The following NKTR variants were observed in gnomAD, a reference collection of about 807,000 sequenced individuals.
NKTR encodes the protein NK-tumor recognition protein.
A neutral mutation model predicts 156.3 loss-of-function variants in NKTR; 67 were observed. That is an observed-to-expected ratio of 0.43 (90% CI 0.35 to 0.53). The LOEUF is 0.53. Ranked by LOEUF, NKTR falls within the 20% of genes least tolerant of loss-of-function variation. NKTR has a pLI of 0.01. For synonymous variants in NKTR, 640 were observed against 596.6 expected (o/e 1.07, Z -1.06); for missense variants, 1,604 against 1,730.9 (o/e 0.93, Z 1.30).
chr3:42,603,054 A>G (rs1705727799), intron 2 of NKTR: 1 of 152,758 alleles, frequency 6.5e-6, no homozygotes, highest in African/African-American at 2.4e-5. Flanking sequence ...AAGAAAAGAA[A>G]AATAGTAGAT....
chr3:42,602,583 T>G (rs1013070414), intron 2 of NKTR: 9 of 151,798 alleles, frequency 5.9e-5, no homozygotes, highest in Non-Finnish European at 1.3e-4. Flanking sequence ...TCCTGGAAAT[T>G]TGGTTGCCTT....
At chr3:42,643,283 A>G (rs1282571947) in intron 14 of NKTR, 56 bp from the exon 15 acceptor site, 25 of 1,384,718 alleles carry the variant, frequency 1.8e-5, no homozygotes, top group Non-Finnish European at 2.5e-5. Flanking sequence ...GATATTTGGT[A>G]TAGCCTGTCC....
intron 15 of NKTR, 169 bp from the exon 16 acceptor site, chr3:42,643,733 T>C: frequency 2.9e-6 from 2 of 687,294 alleles, no homozygotes; most frequent in South Asian, 3.2e-5. Context: ...GTAAGTCTCA[T>C]TTGGGGCAAT....
chr3:42,622,104 C>T (rs1357092038), intron 6 of NKTR, among the ~76,000 whole-genome samples: 2 of 151,950 alleles, frequency 1.3e-5, no homozygotes, highest in South Asian at 2.1e-4. Flanking sequence ...GTCATTTCCA[C>T]CAAAATTTAT....
rs775652772 is a variant in NKTR at position 42,631,196 on chromosome 3, A to C, written c.430A>C (p.Ile144Leu). The change falls in exon 8 of 17, where the codon ATT becomes CTT. Residue 144 changes from isoleucine to leucine, a missense_variant. This residue lies in a region of NKTR where 61 missense variants were observed against 113.3 expected (regional missense o/e 0.54). Coordinates refer to ENST00000232978, the MANE Select transcript of NKTR (RefSeq NM_005385.4). ...DGVHVVFGLV[I>L]SGFEVIEQIE... ...GGTGCATGTAGTCTTTGGACTGGTTATTTCTGGTTTTGAAGTAATCGAACA... is the reference window on the plus strand; with the variant it reads ...GGTGCATGTAGTCTTTGGACTGGTTCTTTCTGGTTTTGAAGTAATCGAACA... The C allele has an allele frequency of 6.2e-7, 1 of 1,613,954 alleles. No individual in the cohort carries two copies. Among genetic ancestry groups the C allele is most frequent in the Non-Finnish European group, 8.5e-7 (1 of 1,179,928 alleles).
chr3:42,619,087 G>A lies in NKTR; in HGVS notation c.201G>A (p.Val67=). 1.2e-6 allele frequency: 2 copies of A among 1,609,698 alleles called. No homozygotes were observed. Among genetic ancestry groups the A allele is most frequent in the Non-Finnish European group, 1.7e-6 (2 of 1,178,236 alleles). ...ATAAAGGTTCTACGTTCCATCGTGT[G>A]GTTAAAAACTTTATGATTCAGGGTG... ...LCYKGSTFHR[V]VKNFMIQGGD... The change falls in exon 4 of 17, where the codon GTG becomes GTA. Residue 67 remains valine (V), a synonymous_variant. Transcript: ENST00000232978.
intron 2 of NKTR, among the ~76,000 whole-genome samples, chr3:42,611,839 AC>A (rs1706852705): frequency 6.6e-6 from 1 of 151,952 alleles, no homozygotes; most frequent in Non-Finnish European, 1.5e-5. Flanking sequence ...ATTTTCTTTC[AC>A]CAGTCCAAAT....
In NKTR at chr3:42,636,893, T is replaced by TG; in HGVS notation, c.1192dup (p.Asp398GlyfsTer2). On this transcript the variant is annotated frameshift_variant, in exon 13 of 17. Transcript: ENST00000232978. LOFTEE classifies it high-confidence loss of function. Reference sequence around the variant, plus strand: ...GTTAAGTGACCCCTGTTCAAGCCGATGGGATGAAAGAAGCTTGTCTCAGAG... The same window carrying TG: ...GTTAAGTGACCCCTGTTCAAGCCGATGGGGATGAAAGAAGCTTGTCTCAGAG... The TG allele has an allele frequency of 6.4e-7, 1 of 1,574,204 alleles. No individual in the cohort carries two copies. The highest frequency in any genetic ancestry group is 8.6e-7 in the Non-Finnish European group (1 of 1,167,820).
At position 42,631,398 on chromosome 3, in the gene NKTR, A is replaced by G. The variant is rs972149127; in HGVS notation, c.550+82A>G. ...ACTGTAACTAGATTTGATTAGTGGA[A>G]CTAGTGGTATAGCAATAGCCCTTGG... On this transcript the variant is annotated intron_variant, in intron 8 of 16. Coordinates refer to ENST00000232978, the MANE Select transcript of NKTR (RefSeq NM_005385.4). 1.7e-5 allele frequency: 25 copies of G among 1,512,838 alleles called. No individual in the cohort carries two copies. The Admixed American group carries it at 3.2e-4, about 20-fold the overall frequency. The allele number at this position is 1,512,838 out of a possible 1,614,324, so 93.7% of individuals were successfully genotyped here.
At chr3:42,615,988 G>C (rs1707329620) in intron 2 of NKTR, among the ~76,000 whole-genome samples, 1 of 152,048 alleles carries the variant, frequency 6.6e-6, no homozygotes, top group African/African-American at 2.4e-5. Flanking sequence ...CAGCTACAAA[G>C]TTTTGAAATT....
chr3:42,630,399 G>A, intron 6 of NKTR, 147 bp from the exon 7 acceptor site: 1 of 1,457,962 alleles, frequency 6.9e-7, no homozygotes, highest in Non-Finnish European at 9.0e-7. Flanking sequence ...GGGTTTTTAA[G>A]GTTAGATATA....
chr3:42,644,721 C>T (rs1307570846), intron 16 of NKTR, among the ~76,000 whole-genome samples: 1 of 152,156 alleles, frequency 6.6e-6, no homozygotes, highest in Admixed American at 6.5e-5. Flanking sequence ...ACTTTTCCTT[C>T]TGCCTGGAGA....
chr3:42,630,188 G>T (rs1708761614), intron 6 of NKTR: 4 of 824,374 alleles, frequency 4.9e-6, no homozygotes, highest in South Asian at 1.1e-4. Context: ...AATTTTGAGG[G>T]TTTTTTTTTT....
Position 42,619,135 on chromosome 3 carries a change from T to A in NKTR, c.241+8T>A, listed in dbSNP as rs757440202. The A allele has an allele frequency of 1.1e-5, 17 of 1,598,074 alleles. No homozygotes were observed. The Admixed American group carries it at 3.1e-4, about 29-fold the overall frequency. ...GTGGGGACTTCAGTGAAGGTAGAGC[T>A]AAAAGTTGTGTTCCTAATAACTCCA... On this transcript the variant is annotated splice_region_variant and intron_variant, in intron 4 of 16. Transcript: ENST00000232978.
chr3:42,605,477 A>G (rs1007146166), intron 2 of NKTR, among the ~76,000 whole-genome samples: 4 of 152,240 alleles, frequency 2.6e-5, no homozygotes, highest in African/African-American at 9.6e-5. Flanking sequence ...GGATTCAGGC[A>G]AATGTTTGAG....
chr3:42,609,421 C>T (rs961975441), intron 2 of NKTR, among the ~76,000 whole-genome samples: 1 of 152,140 alleles, frequency 6.6e-6, no homozygotes, highest in Non-Finnish European at 1.5e-5. Context: ...GGTGAAGTGT[C>T]ACAGTGTCTT....
intron 3 of NKTR, 125 bp downstream of exon 3, chr3:42,617,769 A>G (rs575878829): frequency 3.5e-6 from 2 of 567,320 alleles, no homozygotes; most frequent in East Asian, 2.9e-5. Flanking sequence ...AAAAAAAAAA[A>G]GAGTTACTTA....
At chr3:42,620,245 G>C (rs1380286961) in intron 5 of NKTR, 1 of 1,260,740 alleles carries the variant, frequency 7.9e-7, no homozygotes, top group Non-Finnish European at 1.0e-6. Flanking sequence ...TCAGAGAAAA[G>C]AGTCTAGTTG....
intron 16 of NKTR, among the ~76,000 whole-genome samples, chr3:42,644,452 ATGTATTATG>A (rs1479677912): frequency 8.5e-5 from 13 of 152,172 alleles, no homozygotes; most frequent in Non-Finnish European, 1.8e-4. Flanking sequence ...TATGTATTAT[ATGTATTATG>A]TTTAACATAT....
Sources: gnomAD v4.1 joint callset for allele counts (sites outside exome capture counted in the v4.1 genomes callset) on GRCh38, gnomAD v4.1.1 for gene constraint, gnomAD v4.1.1 regional missense constraint, MANE v1.5 for transcripts, NCBI Gene and HGNC (gene_info 2026-07-23, HGNC 2026-07-21) for gene names.